Variants in GRM5 observed in about 807,000 individuals in gnomAD.
GRM5 encodes the protein glutamate metabotropic receptor 5, also known as metabotropic glutamate receptor 5.
In GRM5, 19 loss-of-function variants were observed where a neutral mutation model predicts 83.1. That is an observed-to-expected ratio of 0.23 (90% CI 0.16 to 0.34). The LOEUF (loss-of-function observed/expected upper bound fraction) is 0.34. Ranked by LOEUF, GRM5 falls within the 10% of genes least tolerant of loss-of-function variation. The probability of loss-of-function intolerance (pLI) is 1.00; values close to 1 mark genes in which losing one functional copy is unlikely to be tolerated. For synonymous variants in GRM5, 675 were observed against 633.6 expected, an observed-to-expected ratio of 1.07 and a Z score of -0.98; for missense variants, 1,160 against 1,588.3, an observed-to-expected ratio of 0.73 and a Z score of 4.58.
intron 2 of GRM5, among the ~76,000 whole-genome samples, chr11:88,941,269 C>T (rs566242627): frequency 1.5e-4 from 23 of 151,184 alleles, no homozygotes; most frequent in South Asian, 1.0e-3. Context: ...AGTTTAAAGG[C>T]GACCCCATTA....
intron 3 of GRM5, among the ~76,000 whole-genome samples, chr11:88,750,529 G>A (rs1044636608): frequency 5.3e-5 from 8 of 152,014 alleles, no homozygotes; most frequent in Non-Finnish European, 7.4e-5. Context: ...AGATCATTGG[G>A]ATAGAAAATT....
At chr11:88,687,519 CACACACAT>C (rs1416864995) in intron 3 of GRM5, among the ~76,000 whole-genome samples, 2 of 33,764 alleles carry the variant, frequency 5.9e-5, no homozygotes, top group East Asian at 1.9e-3. Context: ...CACACACACA[CACACACAT>C]ACATATATAT....
chr11:88,819,616 T>G (rs1210403619), intron 3 of GRM5, among the ~76,000 whole-genome samples: 1 of 152,240 alleles, frequency 6.6e-6, no homozygotes, highest in Non-Finnish European at 1.5e-5. Flanking sequence ...AAAATAAGTT[T>G]ACTTTTTCTT....
chr11:89,063,771 T>C (rs1290635270), intron 1 of GRM5: 1 of 152,130 alleles, frequency 6.6e-6, no homozygotes, highest in Non-Finnish European at 1.5e-5. Flanking sequence ...TTGCGCAACT[T>C]TTTGGTGCCA....
intron 1 of GRM5, among the ~76,000 whole-genome samples, chr11:89,062,268 C>G (rs1278073091): frequency 6.6e-6 from 1 of 152,162 alleles, no homozygotes. Context: ...ATAAAGCACA[C>G]CTAACAAGAG....
chr11:88,793,324 C>T (rs1033019276), intron 3 of GRM5, among the ~76,000 whole-genome samples: 2 of 152,006 alleles, frequency 1.3e-5, no homozygotes, highest in African/African-American at 4.8e-5. Context: ...ATGTGCTTTC[C>T]AGATTTACAC....
chr11:88,877,187 T>C (rs753346956), intron 2 of GRM5, among the ~76,000 whole-genome samples: 1 of 152,092 alleles, frequency 6.6e-6, no homozygotes, highest in Non-Finnish European at 1.5e-5. Context: ...AATAAGGTAT[T>C]ATATACTTCA....
At chr11:89,019,150 ATTT>A (rs1229541716) in intron 2 of GRM5, among the ~76,000 whole-genome samples, 1 of 152,100 alleles carries the variant, frequency 6.6e-6, no homozygotes, top group Non-Finnish European at 1.5e-5. Flanking sequence ...CGAATCGGGT[ATTT>A]TGTAGAATGT....
chr11:88,958,471 G>T (rs138467702), intron 2 of GRM5, among the ~76,000 whole-genome samples: 117 of 151,630 alleles, frequency 7.7e-4, no homozygotes, highest in Non-Finnish European at 1.4e-3. Flanking sequence ...ATCTGCCAAA[G>T]AAAATATTCT....
At chr11:88,903,850 C>T (rs1174061646) in intron 2 of GRM5, among the ~76,000 whole-genome samples, 1 of 152,082 alleles carries the variant, frequency 6.6e-6, no homozygotes, top group Non-Finnish European at 1.5e-5. Flanking sequence ...TACCGCTGTG[C>T]AATTTAGGGA....
At chr11:88,612,427 T>A (rs1268259900) in intron 4 of GRM5, among the ~76,000 whole-genome samples, 14 of 151,944 alleles carry the variant, frequency 9.2e-5, no homozygotes, top group Admixed American at 9.2e-4. Flanking sequence ...GCAATAAACA[T>A]ACATGTGCAT....
intron 8 of GRM5, among the ~76,000 whole-genome samples, chr11:88,538,560 C>A (rs932774426): frequency 6.6e-6 from 1 of 152,122 alleles, no homozygotes; most frequent in African/African-American, 2.4e-5. Flanking sequence ...AGACAGATAA[C>A]CTTACTATTT....
chr11:89,001,448 C>T (rs1217608855), intron 2 of GRM5, among the ~76,000 whole-genome samples: 2 of 152,002 alleles, frequency 1.3e-5, no homozygotes, highest in African/African-American at 2.4e-5. Flanking sequence ...AAAAGCCAAA[C>T]CCGGAAAGTC....
chr11:88,789,505 T>C (rs990807027), intron 3 of GRM5, among the ~76,000 whole-genome samples: 1 of 152,194 alleles, frequency 6.6e-6, no homozygotes, highest in Non-Finnish European at 1.5e-5. Context: ...CATTTTTTGT[T>C]CAAGTACACT....
intron 8 of GRM5, among the ~76,000 whole-genome samples, chr11:88,566,813 C>T (rs772552599): frequency 3.9e-5 from 6 of 152,146 alleles, no homozygotes; most frequent in East Asian, 1.9e-4. Context: ...ACTCCCCCTA[C>T]GCTGTAACTC....
At chr11:88,800,279 TG>T (rs1021479396) in intron 3 of GRM5, among the ~76,000 whole-genome samples, 7 of 152,246 alleles carry the variant, frequency 4.6e-5, no homozygotes, top group African/African-American at 1.2e-4. Context: ...GCAGTTCTTA[TG>T]TAGGACTCTC....
At chr11:89,013,161 A>T (rs1232062891) in intron 2 of GRM5, among the ~76,000 whole-genome samples, 1 of 152,200 alleles carries the variant, frequency 6.6e-6, no homozygotes, top group East Asian at 1.9e-4. Context: ...GTGTTGCTAC[A>T]TGTAAGAGTT....
At chr11:88,796,631 T>C (rs1023855360) in intron 3 of GRM5, among the ~76,000 whole-genome samples, 3 of 152,148 alleles carry the variant, frequency 2.0e-5, no homozygotes, top group Non-Finnish European at 4.4e-5. Flanking sequence ...TCATGACTGA[T>C]TTTCATTAAG....
intron 3 of GRM5, among the ~76,000 whole-genome samples, chr11:88,841,044 G>C (rs1390626816): frequency 6.6e-6 from 1 of 152,100 alleles, no homozygotes. Flanking sequence ...CAACTGTGTA[G>C]ATAAGAAAAG....
Sources: allele counts gnomAD v4.1 joint callset (sites outside exome capture counted in the v4.1 genomes callset), GRCh38; gene constraint gnomAD v4.1.1; transcripts MANE v1.5; gene names NCBI Gene and HGNC (gene_info 2026-07-23, HGNC 2026-07-21).